SRGAP3: variants seen among roughly 807,000 people sequenced by gnomAD.
SRGAP3 encodes the protein SLIT-ROBO Rho GTPase-activating protein 3.
A neutral mutation model predicts 121.1 loss-of-function variants in SRGAP3; 39 were observed. The observed-to-expected ratio is 0.32, with a 90% CI of 0.25 to 0.42. The LOEUF is 0.42. Among genes scored for constraint, SRGAP3 ranks in the 10% least tolerant of loss-of-function variants. The probability of loss-of-function intolerance (pLI) is 1.00; values close to 1 mark genes in which losing one functional copy is unlikely to be tolerated. For synonymous variants in SRGAP3, 601 were observed against 570.0 expected (o/e 1.05, Z -0.77); for missense variants, 1,213 against 1,470.6 (o/e 0.82, Z 2.86).
chr3:9,315,647 T>A (rs1955331631), intron 3 of SRGAP3, among the ~76,000 whole-genome samples: 1 of 152,226 alleles, frequency 6.6e-6, no homozygotes, highest in Non-Finnish European at 1.5e-5. Context: ...AAGAATGTTT[T>A]CCATCTTCTG....
chr3:9,354,331 C>A (rs1005866895), intron 1 of SRGAP3, among the ~76,000 whole-genome samples: 2 of 152,156 alleles, frequency 1.3e-5, no homozygotes, highest in East Asian at 3.8e-4. Context: ...AGAAGGTGGG[C>A]AAGGGAGTGG....
At chr3:9,060,949 G>A (rs1391011690) in intron 5 of SRGAP3, among the ~76,000 whole-genome samples, 2 of 152,166 alleles carry the variant, frequency 1.3e-5, no homozygotes, top group Non-Finnish European at 2.9e-5. Context: ...GTGTAAATAA[G>A]ATCCCTGGCC....
intron 1 of SRGAP3, among the ~76,000 whole-genome samples, chr3:9,352,843 A>G (rs569945851): frequency 6.6e-6 from 1 of 152,332 alleles, no homozygotes; most frequent in African/African-American, 2.4e-5. Context: ...ATAGACTATT[A>G]TGTGATATAC....
At chr3:9,135,830 G>C (rs1227836013) in intron 1 of SRGAP3, among the ~76,000 whole-genome samples, 2 of 152,164 alleles carry the variant, frequency 1.3e-5, no homozygotes, top group Non-Finnish European at 2.9e-5. Context: ...CTCCAAATCT[G>C]GTTTTCTCCA....
At chr3:9,238,991 G>A (rs1167011153) in intron 1 of SRGAP3, among the ~76,000 whole-genome samples, 1 of 152,202 alleles carries the variant, frequency 6.6e-6, no homozygotes, top group Non-Finnish European at 1.5e-5. Context: ...CCTCACAAGG[G>A]CCTTGGTGCT....
chr3:9,100,827 G>T (rs1661698641), intron 3 of SRGAP3, among the ~76,000 whole-genome samples: 1 of 152,198 alleles, frequency 6.6e-6, no homozygotes, highest in Admixed American at 6.5e-5. Flanking sequence ...TATTCCGACT[G>T]GTTCTGAATA....
At chr3:9,201,332 G>A (rs1472645094) in intron 1 of SRGAP3, among the ~76,000 whole-genome samples, 4 of 152,168 alleles carry the variant, frequency 2.6e-5, no homozygotes, top group African/African-American at 9.7e-5. Flanking sequence ...CAGTGTTGAA[G>A]CCCAGGTGAT....
intron 1 of SRGAP3, among the ~76,000 whole-genome samples, chr3:9,168,643 G>C (rs2125092876): frequency 6.6e-6 from 1 of 152,310 alleles, no homozygotes; most frequent in East Asian, 1.9e-4. Context: ...TGGGTTTTCA[G>C]CCATCTTTTC....
In SRGAP3 at chr3:9,109,089, T is replaced by C. The variant is rs992775745; in HGVS notation, c.261-4247A>G. The stretch of plus-strand genomic sequence containing the variant: ...ATTTTCACTGCTTCCTAGGTGGTGA[T>C]GGAAATGGAAAGATTAAAGGAGAGA... On this transcript the variant is annotated intron_variant, in intron 2 of 21. Transcript: ENST00000383836. This position sits in a 1 kb window ranked among gnomAD's most constrained non-coding sequence, Gnocchi z 4.4. Among the ~76,000 whole-genome samples the C allele has an allele frequency of 6.6e-6, 1 of 152,020 alleles. No individual in the cohort carries two copies. The highest frequency in any genetic ancestry group is 2.4e-5 in the African/African-American group (1 of 41,376).
intron 1 of SRGAP3, among the ~76,000 whole-genome samples, chr3:9,182,529 C>T (rs890660462): frequency 6.6e-6 from 1 of 152,190 alleles, no homozygotes; most frequent in Non-Finnish European, 1.5e-5. Flanking sequence ...TTCAGACATC[C>T]ACCCTCCAAA....
At chr3:9,323,446 T>C (rs1012995202) in intron 3 of SRGAP3, among the ~76,000 whole-genome samples, 1 of 151,948 alleles carries the variant, frequency 6.6e-6, no homozygotes, top group Non-Finnish European at 1.5e-5. Context: ...GTATCTATGA[T>C]TCTCAAAGAC....
chr3:9,286,265 T>C lies in SRGAP3; in HGVS notation n.442+39745A>G, dbSNP rs574151384. Among the ~76,000 whole-genome samples, 3 of 152,308 alleles carry C rather than the reference T, an allele frequency of 2.0e-5. No homozygotes were observed. In the East Asian group the frequency reaches 5.8e-4, roughly 29 times the overall value. ...CTTCTCGTTTATCTGTCTTTTGTTA[T>C]AGAGGCCTCAACCTTGAACCTGGTA... On this transcript the variant is annotated intron_variant and non_coding_transcript_variant, in intron 3 of 3. Coordinates refer to the SRGAP3 transcript ENST00000490889.
chr3:9,359,176 T>G (rs533675135), intron 1 of SRGAP3, among the ~76,000 whole-genome samples: 77 of 152,328 alleles, frequency 5.1e-4, no homozygotes, highest in Non-Finnish European at 9.3e-4. Context: ...CTTTGGAACT[T>G]AAATGATCCT....
intron 3 of SRGAP3, among the ~76,000 whole-genome samples, chr3:9,266,411 G>T (rs1442172382): frequency 6.6e-6 from 1 of 151,996 alleles, no homozygotes; most frequent in East Asian, 1.9e-4. Flanking sequence ...ATGTGGCAGG[G>T]GATCATTGTT....
chr3:9,290,949 T>G (rs1427994474), intron 3 of SRGAP3, among the ~76,000 whole-genome samples: 3 of 152,088 alleles, frequency 2.0e-5, no homozygotes, highest in Non-Finnish European at 4.4e-5. Context: ...GTGGTGATGG[T>G]GTGTGTGTGT....
intron 1 of SRGAP3, among the ~76,000 whole-genome samples, chr3:9,139,709 A>G (rs1683997612): frequency 6.6e-6 from 1 of 152,226 alleles, no homozygotes; most frequent in East Asian, 1.9e-4. Context: ...GGAAACTAGT[A>G]TAATGTGCAT....
intron 3 of SRGAP3, among the ~76,000 whole-genome samples, chr3:9,264,756 T>C (rs1185880638): frequency 1.3e-5 from 2 of 152,204 alleles, no homozygotes; most frequent in African/African-American, 2.4e-5. Context: ...TCCATGCTCA[T>C]GGATAGGAAG....
chr3:9,025,404 G>T, intron 13 of SRGAP3, 66 bp from the exon 14 acceptor site: 1 of 1,499,978 alleles, frequency 6.7e-7, no homozygotes, highest in Non-Finnish European at 9.3e-7. Flanking sequence ...TTAGACTACC[G>T]GGAATATCAG....
chr3:9,157,511 T>C (rs1484625098), intron 1 of SRGAP3, among the ~76,000 whole-genome samples: 4 of 152,204 alleles, frequency 2.6e-5, no homozygotes, highest in Admixed American at 6.5e-5. Flanking sequence ...CACTATACAC[T>C]AGGTACTGTC....
Sources: allele counts gnomAD v4.1 joint callset (sites outside exome capture counted in the v4.1 genomes callset), GRCh38; gene constraint gnomAD v4.1.1; non-coding constraint Gnocchi (gnomAD v3.1); transcripts MANE v1.5; gene names NCBI Gene and HGNC (gene_info 2026-07-23, HGNC 2026-07-21).